IKZF2: variants seen among roughly 807,000 people sequenced by gnomAD.
IKZF2 encodes zinc finger protein Helios.
A neutral mutation model predicts 49.2 loss-of-function variants in IKZF2; 15 were observed. The ratio of observed to expected loss-of-function variants is 0.30; its 90% CI spans 0.20 to 0.47. IKZF2 has a LOEUF of 0.47. Ranked by LOEUF, IKZF2 falls within the 20% of genes least tolerant of loss-of-function variation. The probability of loss-of-function intolerance (pLI) is 1.00; values close to 1 mark genes in which losing one functional copy is unlikely to be tolerated. For missense variants in IKZF2, 567 were observed against 664.6 expected (o/e 0.85, Z 1.61); for synonymous variants, 227 against 221.4 (o/e 1.03, Z -0.23).
intron 6 of IKZF2, among the ~76,000 whole-genome samples, chr2:213,040,684 A>C (rs1699541849): frequency 6.6e-6 from 1 of 152,222 alleles, no homozygotes. Flanking sequence ...AGAAAGTAAA[A>C]GGTGTAATAT....
upstream of IKZF2, chr2:213,152,407 A>C (rs1334080692): frequency 3.9e-5 from 6 of 152,266 alleles, no homozygotes; most frequent in African/African-American, 1.4e-4. Flanking sequence ...TGGGGAATAG[A>C]CTGAGAAAGA....
At chr2:213,028,339 T>G (rs1698038773) in intron 6 of IKZF2, among the ~76,000 whole-genome samples, 2 of 152,154 alleles carry the variant, frequency 1.3e-5, no homozygotes, top group Non-Finnish European at 2.9e-5. Context: ...TCAAAATTAT[T>G]TTGGCTATTT....
At chr2:213,147,917 T>C in intron 3 of IKZF2, 105 bp from the exon 4 acceptor site, 1 of 741,004 alleles carries the variant, frequency 1.3e-6, no homozygotes, top group South Asian at 1.7e-5. Flanking sequence ...CTTCAAACTG[T>C]AAGGTAATAC....
At chr2:213,147,839 G>A (rs1559335130) in intron 3 of IKZF2, 27 bp from the exon 4 acceptor site, 2 of 1,545,866 alleles carry the variant, frequency 1.3e-6, no homozygotes, top group Middle Eastern at 1.7e-4. Context: ...TAATCTTTTG[G>A]TTTCTATTCA....
At chr2:213,122,840 G>A (rs975270053) in intron 4 of IKZF2, among the ~76,000 whole-genome samples, 2 of 152,154 alleles carry the variant, frequency 1.3e-5, no homozygotes, top group African/African-American at 2.4e-5. Context: ...CCTGGAACAC[G>A]TGATATTTCT....
intron 6 of IKZF2, among the ~76,000 whole-genome samples, chr2:213,038,165 G>C (rs370072122): frequency 6.6e-6 from 1 of 151,080 alleles, no homozygotes; most frequent in Non-Finnish European, 1.5e-5. Flanking sequence ...GATGCACGCC[G>C]TTCTCCTGCC....
intron 4 of IKZF2, among the ~76,000 whole-genome samples, chr2:213,105,792 C>T (rs1285856715): frequency 1.3e-5 from 2 of 152,130 alleles, no homozygotes; most frequent in African/African-American, 4.8e-5. Context: ...GATAGGGTAA[C>T]ATCATGCTTA....
In IKZF2 at chr2:213,004,875, T is replaced by TC. The variant is rs749169192; in HGVS notation, c.*2484dup. Reference sequence around the variant, plus strand: ...ACTAACTACCTTCAATAAAACAGATTCCCAAAAAGATGAAATCAGAAAAGG... The same window carrying TC: ...ACTAACTACCTTCAATAAAACAGATTCCCCAAAAAGATGAAATCAGAAAAGG... On this transcript the variant is annotated 3_prime_UTR_variant, in exon 9 of 9. Coordinates refer to ENST00000434687, the MANE Select transcript of IKZF2 (RefSeq NM_001387220.1). The TC allele has an allele frequency of 1.3e-5, 2 of 152,352 alleles. No individual in the cohort carries two copies. Among genetic ancestry groups the TC allele is most frequent in the Non-Finnish European group, 2.9e-5 (2 of 67,940 alleles). The allele number at this position is 152,352 out of a possible 1,614,324, so 9.4% of individuals were successfully genotyped here. A position where few individuals can be genotyped will look rare whatever the true frequency, so the allele number is the denominator to read the frequency against.
intron 4 of IKZF2, among the ~76,000 whole-genome samples, chr2:213,079,174 T>G (rs1053302611): frequency 2.6e-5 from 4 of 151,850 alleles, no homozygotes; most frequent in Non-Finnish European, 5.9e-5. Context: ...AGCCCACTGG[T>G]TCAAGACGAG....
At chr2:213,072,786 T>C (rs1275795276) in intron 4 of IKZF2, among the ~76,000 whole-genome samples, 2 of 152,044 alleles carry the variant, frequency 1.3e-5, no homozygotes, top group Non-Finnish European at 2.9e-5. Flanking sequence ...AGCAACTCAA[T>C]AAAAATTAAG....
chr2:213,139,996 C>T lies in IKZF2; in HGVS notation c.139+7712G>A, dbSNP rs551651311. Among the ~76,000 whole-genome samples the T allele has an allele frequency of 3.9e-5, 6 of 152,072 alleles. No homozygotes were observed. The South Asian group carries it at 1.0e-3, about 26-fold the overall frequency. On this transcript the variant is annotated intron_variant, in intron 4 of 8. Coordinates refer to ENST00000434687, the MANE Select transcript of IKZF2 (RefSeq NM_001387220.1). ...CATTTGGACCCTTGAAGATACCATC[C>T]TTCTCTAGAAAACACCCCAAACCTA...
At position 213,007,869 on chromosome 2, in the gene IKZF2, C is replaced by A; in HGVS notation, c.1072G>T (p.Val358Phe). 1.2e-6 allele frequency: 2 copies of A among 1,613,498 alleles called. No individual in the cohort carries two copies. Among genetic ancestry groups the A allele is most frequent in the Non-Finnish European group, 1.7e-6 (2 of 1,179,718 alleles). ...APVISSAYSQVYHPNRIERPI... is the reference protein window; with the variant it reads ...APVISSAYSQFYHPNRIERPI... ...CTTTCTATCCTATTTGGATGATAGA[C>A]CTGAGAATAAGCTGAGCTTATAACT... is the stretch of plus-strand genomic sequence containing the variant. Residue 358 changes from valine (V) to phenylalanine (F), a missense_variant, in exon 9 of 9, where the codon GTC becomes TTC. Transcript: ENST00000434687.
At chr2:213,132,151 C>A (rs2060493962) in intron 4 of IKZF2, among the ~76,000 whole-genome samples, 1 of 152,066 alleles carries the variant, frequency 6.6e-6, no homozygotes, top group Admixed American at 6.6e-5. Context: ...AAGATACTAT[C>A]CCAGTCGGTT....
intron 4 of IKZF2, among the ~76,000 whole-genome samples, chr2:213,145,410 C>T (rs908855063): frequency 6.6e-6 from 1 of 151,874 alleles, no homozygotes; most frequent in Non-Finnish European, 1.5e-5. Context: ...TAAATAAGTT[C>T]TTTTCATTAA....
intron 4 of IKZF2, among the ~76,000 whole-genome samples, chr2:213,120,509 G>T (rs1361533614): frequency 6.6e-6 from 1 of 152,204 alleles, no homozygotes; most frequent in African/African-American, 2.4e-5. Flanking sequence ...TTCAGGAGAT[G>T]AAGACAAAAA....
intron 4 of IKZF2, among the ~76,000 whole-genome samples, chr2:213,116,152 G>A (rs762985321): frequency 1.3e-5 from 2 of 151,996 alleles, no homozygotes; most frequent in Non-Finnish European, 2.9e-5. Flanking sequence ...TTCGTTACAG[G>A]AACACAAAAA....
intron 4 of IKZF2, among the ~76,000 whole-genome samples, chr2:213,087,705 A>G (rs1484274839): frequency 6.6e-6 from 1 of 151,986 alleles, no homozygotes. Context: ...CCTGTGTCCA[A>G]GTGTTCTCAT....
chr2:213,055,441 C>G (rs988520594), intron 5 of IKZF2, among the ~76,000 whole-genome samples: 1 of 148,520 alleles, frequency 6.7e-6, no homozygotes, highest in African/African-American at 2.5e-5. Flanking sequence ...AAACATCGTG[C>G]TGTTTAAAAA....
chr2:213,047,099 T>G (rs893289778), intron 6 of IKZF2, among the ~76,000 whole-genome samples: 3 of 152,168 alleles, frequency 2.0e-5, no homozygotes, highest in African/African-American at 7.2e-5. Context: ...TATATCCTAA[T>G]AGGATATGCC....
Sources: gnomAD v4.1 joint callset for allele counts (sites outside exome capture counted in the v4.1 genomes callset) on GRCh38, gnomAD v4.1.1 for gene constraint, MANE v1.5 for transcripts, NCBI Gene and HGNC (gene_info 2026-07-23, HGNC 2026-07-21) for gene names.